ROBO1: variants seen among roughly 807,000 people sequenced by gnomAD.
ROBO1 encodes the protein roundabout homolog 1.
A neutral mutation model predicts 195.9 loss-of-function variants in ROBO1; 149 were observed. The observed-to-expected ratio is 0.76, with a 90% confidence interval of 0.67 to 0.87. The LOEUF (loss-of-function observed/expected upper bound fraction) is 0.87. Among genes scored for constraint, ROBO1 ranks in the 40% least tolerant of loss-of-function variants. The probability of loss-of-function intolerance (pLI) is 0.00; values close to 1 mark genes in which losing one functional copy is unlikely to be tolerated. For synonymous variants in ROBO1, 816 were observed against 733.2 expected (o/e 1.11, Z -1.82); for missense variants, 1,933 against 2,068.3 (o/e 0.93, Z 1.27).
intron 2 of ROBO1, among the ~76,000 whole-genome samples, chr3:79,547,088 G>A (rs1576003201): frequency 6.7e-6 from 1 of 149,868 alleles, no homozygotes; most frequent in African/African-American, 2.5e-5. Flanking sequence ...GGGAGGCTGA[G>A]GCAGGAGAAT....
chr3:78,927,103 G>C (rs993518519), intron 4 of ROBO1, among the ~76,000 whole-genome samples: 7 of 152,192 alleles, frequency 4.6e-5, no homozygotes, highest in African/African-American at 1.7e-4. Flanking sequence ...ATATCAGTGA[G>C]AGAGTGGGAT....
chr3:79,479,638 G>A (rs1297390447), intron 2 of ROBO1, among the ~76,000 whole-genome samples: 1 of 152,162 alleles, frequency 6.6e-6, no homozygotes, highest in Non-Finnish European at 1.5e-5. Flanking sequence ...TTACCATGAT[G>A]GGTAATGGAT....
intron 2 of ROBO1, among the ~76,000 whole-genome samples, chr3:79,206,621 A>T (rs1032540182): frequency 2.0e-5 from 3 of 152,164 alleles, no homozygotes; most frequent in Admixed American, 1.3e-4. Flanking sequence ...ATTCATTCAG[A>T]TGGTGTTCCC....
chr3:78,613,208 T>A (rs1318842923), intron 28 of ROBO1, among the ~76,000 whole-genome samples: 1 of 152,186 alleles, frequency 6.6e-6, no homozygotes, highest in African/African-American at 2.4e-5. Context: ...GGTAGAAAGA[T>A]CTACACAAGG....
At chr3:78,813,102 T>C (rs1018591536) in intron 4 of ROBO1, among the ~76,000 whole-genome samples, 1 of 151,968 alleles carries the variant, frequency 6.6e-6, no homozygotes, top group Non-Finnish European at 1.5e-5. Context: ...TTAACAAAAC[T>C]AAAAAACACA....
At chr3:78,610,067 T>A (rs547699872) in intron 28 of ROBO1, among the ~76,000 whole-genome samples, 4 of 152,194 alleles carry the variant, frequency 2.6e-5, no homozygotes, top group Non-Finnish European at 5.9e-5. Flanking sequence ...CTTTTGTTAG[T>A]GGTTTTCATG....
At chr3:78,901,714 T>G (rs1361400222) in intron 4 of ROBO1, among the ~76,000 whole-genome samples, 4 of 152,170 alleles carry the variant, frequency 2.6e-5, no homozygotes, top group Admixed American at 6.5e-5. Context: ...GGCTCCTGTC[T>G]TTTGATATTT....
At chr3:78,639,630 G>T (rs2107556496) in intron 22 of ROBO1, 114 bp downstream of exon 22, 3 of 1,030,922 alleles carry the variant, frequency 2.9e-6, no homozygotes, top group Non-Finnish European at 4.1e-6. Flanking sequence ...AGTCAGCATT[G>T]GATAAAATAC....
chr3:79,425,356 T>C lies in ROBO1; in HGVS notation c.88+164468A>G, dbSNP rs1319702223. 4.6e-5 allele frequency among the ~76,000 whole-genome samples: 7 copies of C among 152,244 alleles called. No individual in the cohort carries two copies. In the East Asian group the frequency reaches 1.4e-3, roughly 29 times the overall value. On this transcript the variant is annotated intron_variant, in intron 2 of 30. Coordinates refer to ENST00000464233, the MANE Select transcript of ROBO1 (RefSeq NM_002941.4). ...AAAACTATTTTAAAAATAACCGTAGTTCAGGTGACAATAAGAACAAAATGC... is the reference window on the plus strand; with the variant it reads ...AAAACTATTTTAAAAATAACCGTAGCTCAGGTGACAATAAGAACAAAATGC...
rs200790068 is a variant in ROBO1 at position 78,633,882 on chromosome 3, C to A, written c.3481+53G>T. 3,981 of 1,231,624 alleles carry A rather than the reference C, an allele frequency of 3.2e-3. 9 individuals carry two copies. Among genetic ancestry groups the A allele is most frequent in the Non-Finnish European group, 4.4e-3 (3,698 of 846,558 alleles). 76.3% of individuals were successfully genotyped at this position (1,231,624 alleles called of 1,614,324 possible). ...AGTCCATTAGCACTCAATTTGTAAT[C>A]TTGGAAAGTACCAGCTTTTTAAAGG... On this transcript the variant is annotated intron_variant, in intron 24 of 30. Transcript: ENST00000464233.
At chr3:79,232,124 T>C (rs1284466399) in intron 2 of ROBO1, among the ~76,000 whole-genome samples, 2 of 151,854 alleles carry the variant, frequency 1.3e-5, no homozygotes, top group Admixed American at 6.6e-5. Flanking sequence ...ACTTGGGTGA[T>C]GAAATAATCT....
chr3:79,675,198 C>T (rs1946749100), intron 1 of ROBO1, among the ~76,000 whole-genome samples: 1 of 151,470 alleles, frequency 6.6e-6, no homozygotes, highest in Non-Finnish European at 1.5e-5. Context: ...CTATACATCC[C>T]ACAGGAATTG....
intron 1 of ROBO1, among the ~76,000 whole-genome samples, chr3:79,691,422 T>C (rs1262340238): frequency 6.6e-6 from 1 of 151,562 alleles, no homozygotes; most frequent in East Asian, 1.9e-4. Flanking sequence ...TAATAGAGTA[T>C]ATGCATTATA....
At position 79,625,584 on chromosome 3, in the gene ROBO1, A is replaced by G. The variant is rs188990309; in HGVS notation, c.-50-35623T>C. 2.3e-3 allele frequency among the ~76,000 whole-genome samples: 343 copies of G among 152,186 alleles called. 1 individual carries two copies. Among genetic ancestry groups the G allele is most frequent in the African/African-American group, 7.7e-3 (321 of 41,546 alleles). On this transcript the variant is annotated intron_variant, in intron 1 of 30. Transcript: ENST00000464233. ...ATCAGAGAATACTATAAATACCTCT[A>G]TGCAAATGAAGTAGAGACTCTAGAA...
At chr3:79,597,199 G>C in intron 1 of ROBO1, among the ~76,000 whole-genome samples, 1 of 151,540 alleles carries the variant, frequency 6.6e-6, no homozygotes, top group Admixed American at 6.6e-5. Flanking sequence ...TAGATAATAC[G>C]GTGTGTATAA....
At chr3:79,613,709 G>A (rs1214319203) in intron 1 of ROBO1, among the ~76,000 whole-genome samples, 2 of 152,080 alleles carry the variant, frequency 1.3e-5, no homozygotes, top group Non-Finnish European at 2.9e-5. Context: ...AAGTCCCAGA[G>A]AGGGAATTCA....
intron 2 of ROBO1, among the ~76,000 whole-genome samples, chr3:79,274,304 T>A (rs2030833693): frequency 6.6e-6 from 1 of 152,056 alleles, no homozygotes; most frequent in African/African-American, 2.4e-5. Context: ...AAATATCTTC[T>A]CTGACCACAA....
intron 2 of ROBO1, among the ~76,000 whole-genome samples, chr3:79,510,540 A>G (rs1456848149): frequency 1.4e-5 from 2 of 140,196 alleles, no homozygotes; most frequent in African/African-American, 2.8e-5. Flanking sequence ...GTTATTTTGA[A>G]CATCCTTTCT....
chr3:78,924,782 C>A (rs1311159868), intron 4 of ROBO1, among the ~76,000 whole-genome samples: 1 of 152,034 alleles, frequency 6.6e-6, no homozygotes, highest in Non-Finnish European at 1.5e-5. Flanking sequence ...CTGTGACATT[C>A]TAGTTTCTGA....
Sources: gnomAD v4.1 joint callset for allele counts (sites outside exome capture counted in the v4.1 genomes callset) on GRCh38, gnomAD v4.1.1 for gene constraint, MANE v1.5 for transcripts, NCBI Gene and HGNC (gene_info 2026-07-23, HGNC 2026-07-21) for gene names.